Variants in CCDC62 observed in about 807,000 individuals in gnomAD.
CCDC62 encodes coiled-coil domain-containing protein 62.
Under a neutral mutation model 80.8 loss-of-function variants are expected in CCDC62, and 72 were observed. That is an observed-to-expected ratio of 0.89 (90% CI 0.74 to 1.08). The LOEUF (loss-of-function observed/expected upper bound fraction) is 1.08, where lower values mean the gene tolerates loss of function less well. Ranked by LOEUF, CCDC62 falls within the 50% of genes least tolerant of loss-of-function variation. The pLI is 0.00. For synonymous variants in CCDC62, 286 were observed against 296.5 expected (o/e 0.96, Z 0.36); for missense variants, 704 against 809.4 (o/e 0.87, Z 1.58).
At chr12:122,801,989 C>T (rs2031342732) in intron 9 of CCDC62, 137 bp downstream of exon 9, 2 of 894,130 alleles carry the variant, frequency 2.2e-6, no homozygotes, top group South Asian at 3.3e-5. Context: ...TCCTTAGGAC[C>T]AATGGTTCCC....
chr12:122,805,030 G>A (rs1441724268), intron 9 of CCDC62, among the ~76,000 whole-genome samples: 6 of 150,322 alleles, frequency 4.0e-5, no homozygotes, highest in Non-Finnish European at 7.4e-5. Flanking sequence ...GATTACAGGC[G>A]CGCGCCACCA....
intron 3 of CCDC62, among the ~76,000 whole-genome samples, chr12:122,782,078 T>TCAG (rs1484424152): frequency 6.6e-6 from 1 of 150,616 alleles, no homozygotes; most frequent in Non-Finnish European, 1.5e-5. Flanking sequence ...TGTACGCCTG[T>TCAG]AGTCCCAGCC....
At chr12:122,812,935 C>T (rs1001944896) in intron 10 of CCDC62, among the ~76,000 whole-genome samples, 7 of 152,092 alleles carry the variant, frequency 4.6e-5, no homozygotes, top group East Asian at 1.9e-4. Flanking sequence ...TAGTGGCTCA[C>T]GCCTATAACC....
intron 6 of CCDC62, among the ~76,000 whole-genome samples, chr12:122,795,449 G>T (rs916448123): frequency 6.7e-6 from 1 of 148,584 alleles, no homozygotes; most frequent in Non-Finnish European, 1.5e-5. Context: ...TTTTTGAGAC[G>T]GAGTCTCGCT....
At chr12:122,796,664 C>G (rs2030975279) in intron 6 of CCDC62, among the ~76,000 whole-genome samples, 1 of 151,996 alleles carries the variant, frequency 6.6e-6, no homozygotes, top group African/African-American at 2.4e-5. Flanking sequence ...TCGAGACCAA[C>G]CTGGCTAACA....
chr12:122,793,035 A>G (rs986655643), intron 6 of CCDC62, among the ~76,000 whole-genome samples: 1 of 152,146 alleles, frequency 6.6e-6, no homozygotes, highest in African/African-American at 2.4e-5. Context: ...CAAGTCAAAA[A>G]TGCATTTAAT....
Position 122,777,663 on chromosome 12 carries a change from A to G in CCDC62, c.209A>G (p.Glu70Gly). 6.2e-7 allele frequency: 1 copy of G among 1,614,086 alleles called. No homozygotes were observed. The highest frequency in any genetic ancestry group is 1.6e-4 in the Middle Eastern group (1 of 6,062). Residue 70 changes from glutamate (E) to glycine (G), a missense_variant, in exon 2 of 13, where the codon GAA (glutamate) becomes GGA (glycine). Glu to Gly is a moderately conservative substitution (Grantham distance 98). Transcript: ENST00000253079. Reference sequence around the variant, plus strand: ...CGGCAGAAAGTGTTGACACTGGAAGAACGTTGCAGCAAATTAGAAGGTCAG... The same window carrying G: ...CGGCAGAAAGTGTTGACACTGGAAGGACGTTGCAGCAAATTAGAAGGTCAG... ...EDRQKVLTLE[E>G]RCSKLEGELH...
At chr12:122,777,016 G>A (rs1309198163) in intron 1 of CCDC62, 1 of 153,526 alleles carries the variant, frequency 6.5e-6, no homozygotes, top group East Asian at 1.9e-4. Context: ...GGCTGGTCTC[G>A]AACTCCTGAC....
At chr12:122,814,294 AAAAAAAAGAG>A (rs1361253999) in intron 11 of CCDC62, among the ~76,000 whole-genome samples, 3 of 38,642 alleles carry the variant, frequency 7.8e-5, no homozygotes, top group Admixed American at 5.5e-4. Flanking sequence ...AAAAAAAAAA[AAAAAAAAGAG>A]AGAGAGAAAG....
chr12:122,792,973 C>G (rs2030720625), intron 6 of CCDC62, among the ~76,000 whole-genome samples: 2 of 152,152 alleles, frequency 1.3e-5, no homozygotes, highest in Admixed American at 6.6e-5. Flanking sequence ...TTACTAAAAA[C>G]ATAACATAGA....
intron 2 of CCDC62, 55 bp from the exon 3 acceptor site, chr12:122,781,109 A>G: frequency 7.0e-7 from 1 of 1,438,258 alleles, no homozygotes. Flanking sequence ...CATTTTGAAA[A>G]TAATGCCTTT....
intron 1 of CCDC62, 29 bp downstream of exon 1, chr12:122,774,735 C>A: frequency 1.6e-6 from 2 of 1,244,696 alleles, no homozygotes; most frequent in African/African-American, 1.5e-5. Flanking sequence ...CGCGGCGGGG[C>A]GCCGCGGGAA....
chr12:122,811,399 C>T (rs1430434675), intron 10 of CCDC62, among the ~76,000 whole-genome samples: 10 of 149,922 alleles, frequency 6.7e-5, no homozygotes, highest in Non-Finnish European at 1.2e-4. Context: ...TTAGTAGAGA[C>T]GGGGTTTCTC....
chr12:122,805,690 A>G (rs2031563340), intron 9 of CCDC62, among the ~76,000 whole-genome samples: 1 of 151,462 alleles, frequency 6.6e-6, no homozygotes, highest in Non-Finnish European at 1.5e-5. Context: ...AATTTTTTGT[A>G]TTTTTAGTAG....
chr12:122,779,065 TATAAC>T (rs1426865779), intron 2 of CCDC62, among the ~76,000 whole-genome samples: 6 of 152,160 alleles, frequency 3.9e-5, no homozygotes, highest in African/African-American at 1.4e-4. Flanking sequence ...AGATAACACA[TATAAC>T]ATATATAACC....
intron 3 of CCDC62, among the ~76,000 whole-genome samples, chr12:122,783,486 A>G (rs1036127878): frequency 6.6e-6 from 1 of 152,080 alleles, no homozygotes; most frequent in Non-Finnish European, 1.5e-5. Flanking sequence ...TCGGCCTCCC[A>G]AAGTGCTGGG....
intron 10 of CCDC62, among the ~76,000 whole-genome samples, chr12:122,808,843 T>C (rs1048706621): frequency 5.9e-5 from 9 of 152,192 alleles, no homozygotes; most frequent in Admixed American, 1.3e-4. Flanking sequence ...TCCAAAGTGG[T>C]TATACCAGTT....
intron 4 of CCDC62, among the ~76,000 whole-genome samples, chr12:122,786,794 A>C (rs1474686858): frequency 6.6e-6 from 1 of 151,536 alleles, no homozygotes; most frequent in African/African-American, 2.4e-5. Flanking sequence ...CCCCGTCTCT[A>C]CTAAAAATAC....
At chr12:122,803,726 G>A (rs374578245) in intron 9 of CCDC62, among the ~76,000 whole-genome samples, 31 of 152,140 alleles carry the variant, frequency 2.0e-4, no homozygotes, top group African/African-American at 7.0e-4. Context: ...CGGTCATCAC[G>A]CTAAATGTCA....
Sources: gnomAD v4.1 joint callset for allele counts (sites outside exome capture counted in the v4.1 genomes callset) on GRCh38, gnomAD v4.1.1 for gene constraint, MANE v1.5 for transcripts, NCBI Gene and HGNC (gene_info 2026-07-23, HGNC 2026-07-21) for gene names.